The following DACH2 variants were observed in gnomAD, a reference collection of about 807,000 sequenced individuals.
The protein encoded by DACH2 is dachshund family transcription factor 2.
In DACH2, 17 loss-of-function variants were observed where a neutral mutation model predicts 35.8. That is an observed-to-expected ratio of 0.48 (90% confidence interval 0.33 to 0.71). DACH2 has a LOEUF of 0.71. DACH2 is among the 30% of genes least tolerant of loss of function. The pLI is 0.02. For synonymous variants in DACH2, 195 were observed against 177.3 expected (o/e 1.10, Z -0.79); for missense variants, 469 against 472.7 (o/e 0.99, Z 0.07).
At chrX:86,827,627 A>T (rs1449660097) in intron 11 of DACH2, 7 of 488,987 alleles carry the variant, frequency 1.4e-5, no homozygotes, top group African/African-American at 2.4e-5. Flanking sequence ...CGAGAGATAT[A>T]TTCAAATCTT....
At chrX:86,544,532 C>A (rs763614114) in intron 3 of DACH2, among the ~76,000 whole-genome samples, 18 of 111,201 alleles carry the variant, frequency 1.6e-4, no homozygotes, top group African/African-American at 3.3e-4. Context: ...AATTTTATTT[C>A]TGGCCAAACT....
At chrX:86,160,834 G>A in intron 1 of DACH2, 2 of 497,612 alleles carry the variant, frequency 4.0e-6, no homozygotes, top group Non-Finnish European at 7.2e-6. Context: ...ACCATACCGG[G>A]TTTGAGAACA....
chrX:86,357,060 AATTTTCC>A (rs1365037459), intron 1 of DACH2, among the ~76,000 whole-genome samples: 1 of 111,210 alleles, frequency 9.0e-6, no homozygotes, highest in Non-Finnish European at 1.9e-5. Context: ...TACTGTATTG[AATTTTCC>A]ATTCCTGAGT....
intron 1 of DACH2, among the ~76,000 whole-genome samples, chrX:86,242,434 G>A (rs188539741): frequency 1.2e-3 from 131 of 112,291 alleles, no homozygotes; most frequent in African/African-American, 3.9e-3. Flanking sequence ...TGGAATGGTA[G>A]CATTTACTTA....
At chrX:86,686,708 T>G (rs1474531626) in intron 4 of DACH2, among the ~76,000 whole-genome samples, 2 of 111,957 alleles carry the variant, frequency 1.8e-5, no homozygotes, top group African/African-American at 6.5e-5. Flanking sequence ...ATAAAATATC[T>G]TTTAACCAGA....
At chrX:86,486,500 T>C (rs2038021314) in intron 2 of DACH2, among the ~76,000 whole-genome samples, 1 of 111,141 alleles carries the variant, frequency 9.0e-6, no homozygotes. Flanking sequence ...AGGTTTGCTA[T>C]ATCATGGAGA....
At chrX:86,386,384 G>T (rs772860140) in intron 2 of DACH2, among the ~76,000 whole-genome samples, 1 of 110,974 alleles carries the variant, frequency 9.0e-6, no homozygotes, top group Non-Finnish European at 1.9e-5. Flanking sequence ...CCTTGATCAC[G>T]GGGCTCAGGA....
chrX:86,168,461 A>C (rs1014281868), intron 1 of DACH2, among the ~76,000 whole-genome samples: 2 of 110,949 alleles, frequency 1.8e-5, no homozygotes, highest in Non-Finnish European at 3.8e-5. Context: ...TGGGCAACGG[A>C]TCAATGGGTC....
At chrX:86,758,417 T>C (rs1447531456) in intron 7 of DACH2, among the ~76,000 whole-genome samples, 1 of 112,042 alleles carries the variant, frequency 8.9e-6, no homozygotes, top group Non-Finnish European at 1.9e-5. Context: ...TTTTGGTATG[T>C]TGTGTTTCAA....
At chrX:86,440,972 C>T (rs949855538) in intron 2 of DACH2, among the ~76,000 whole-genome samples, 1 of 110,599 alleles carries the variant, frequency 9.0e-6, no homozygotes, top group African/African-American at 3.3e-5. Flanking sequence ...GTTGACCAAC[C>T]TCTCCCTCTC....
At chrX:86,551,989 T>A (rs774568548) in intron 3 of DACH2, among the ~76,000 whole-genome samples, 2 of 111,938 alleles carry the variant, frequency 1.8e-5, no homozygotes, top group South Asian at 7.4e-4. Flanking sequence ...TCTGTTTTGA[T>A]GCCCTATCTA....
At chrX:86,569,064 A>T (rs773613906) in intron 3 of DACH2, among the ~76,000 whole-genome samples, 1 of 111,583 alleles carries the variant, frequency 9.0e-6, no homozygotes, top group Admixed American at 9.6e-5. Context: ...GACAGACAAG[A>T]TTTAGCCCAC....
At chrX:86,335,669 G>T (rs1247166766) in intron 1 of DACH2, among the ~76,000 whole-genome samples, 1 of 111,750 alleles carries the variant, frequency 8.9e-6, no homozygotes, top group Non-Finnish European at 1.9e-5. Flanking sequence ...GGGGTTTTCT[G>T]AATATGCAAT....
At chrX:86,648,243 C>A (rs1265245383) in intron 3 of DACH2, among the ~76,000 whole-genome samples, 2 of 111,623 alleles carry the variant, frequency 1.8e-5, no homozygotes, top group Non-Finnish European at 3.8e-5. Flanking sequence ...GTAGCACTTT[C>A]ACTTTTAAAT....
chrX:86,718,680 T>C (rs1189366860), intron 6 of DACH2, among the ~76,000 whole-genome samples: 1 of 112,005 alleles, frequency 8.9e-6, no homozygotes, highest in Non-Finnish European at 1.9e-5. Flanking sequence ...GGGTCCAATT[T>C]CATTCTTCTG....
At chrX:86,187,198 A>C (rs1467301651) in intron 1 of DACH2, among the ~76,000 whole-genome samples, 2 of 111,364 alleles carry the variant, frequency 1.8e-5, no homozygotes. Context: ...ATATTGAGAA[A>C]ATATGGTTAG....
intron 1 of DACH2, among the ~76,000 whole-genome samples, chrX:86,238,775 A>AT (rs1423978687): frequency 2.7e-5 from 3 of 111,392 alleles, no homozygotes; most frequent in Middle Eastern, 4.7e-3. Context: ...TAAAAGCTTT[A>AT]TTTTTTTGAT....
At chrX:86,649,580 C>T (rs1445532953) in intron 3 of DACH2, among the ~76,000 whole-genome samples, 1 of 111,125 alleles carries the variant, frequency 9.0e-6, no homozygotes, top group Non-Finnish European at 1.9e-5. Flanking sequence ...AGATAATGTA[C>T]AAATGTATAT....
intron 1 of DACH2, among the ~76,000 whole-genome samples, chrX:86,251,384 G>A (rs184344529): frequency 9.0e-6 from 1 of 110,576 alleles, no homozygotes; most frequent in Non-Finnish European, 1.9e-5. Context: ...GGTGGTATTT[G>A]GTTACATGAG....
Sources: gnomAD v4.1 joint callset for allele counts (sites outside exome capture counted in the v4.1 genomes callset) on GRCh38, gnomAD v4.1.1 for gene constraint, MANE v1.5 for transcripts, NCBI Gene and HGNC (gene_info 2026-07-23, HGNC 2026-07-21) for gene names.